IQCE: variants seen among roughly 807,000 people sequenced by gnomAD.
The protein encoded by IQCE is IQ motif containing E.
Under a neutral mutation model 96.0 loss-of-function variants are expected in IQCE, and 115 were observed. The observed-to-expected ratio is 1.20, with a 90% CI of 1.03 to 1.40. IQCE has a LOEUF of 1.40. Ranked by LOEUF, IQCE falls within the 40% of genes most tolerant of loss-of-function variation. The pLI is 0.00. For missense variants in IQCE, 1,041 were observed against 909.1 expected, an observed-to-expected ratio of 1.15 and a Z score of -1.87; for synonymous variants, 412 against 371.2, an observed-to-expected ratio of 1.11 and a Z score of -1.26.
chr7:2,560,302 G>T (rs1780849687), intron 1 of IQCE, among the ~76,000 whole-genome samples: 1 of 152,266 alleles, frequency 6.6e-6, no homozygotes, highest in Non-Finnish European at 1.5e-5. Context: ...CAGAAGATGG[G>T]CATGAGCCTG....
intron 9 of IQCE, among the ~76,000 whole-genome samples, 179 bp downstream of exon 9, chr7:2,582,829 C>T (rs1782782316): frequency 1.3e-5 from 2 of 152,140 alleles, no homozygotes; most frequent in Admixed American, 1.3e-4. Context: ...CAGATAATTC[C>T]CTTTAACTTC....
chr7:2,576,542 G>A (rs1046504856), intron 6 of IQCE, among the ~76,000 whole-genome samples: 3 of 151,968 alleles, frequency 2.0e-5, no homozygotes, highest in Non-Finnish European at 2.9e-5. Context: ...TGGGATTACA[G>A]GTGCGTGCCA....
At chr7:2,582,713 C>T (rs1284309553) in intron 9 of IQCE, 63 bp downstream of exon 9, 32 of 1,456,200 alleles carry the variant, frequency 2.2e-5, no homozygotes, top group East Asian at 1.9e-4. Flanking sequence ...CTCAGACGCC[C>T]GCCTTTGTTC....
In IQCE at chr7:2,598,490, C is replaced by G. The variant is rs745596467; in HGVS notation, c.1466C>G (p.Pro489Arg). ...HKAQELPAPT[P>R]SSRHCEQDWP... ...GCCCAAGAGCTCCCAGCTCCCACTC[C>G]CAGCAGCAGGCACTGCGAGCAAGAC... The change falls in exon 17 of 22, where the codon CCC becomes CGC. Residue 489 changes from proline (P) to arginine (R), a missense_variant. Transcript: ENST00000402050. 2 of 1,595,452 alleles carry G rather than the reference C, an allele frequency of 1.3e-6. No homozygotes were observed. Among genetic ancestry groups the G allele is most frequent in the Non-Finnish European group, 1.7e-6 (2 of 1,171,550 alleles).
chr7:2,571,403 A>G (rs1275684979), intron 3 of IQCE, 123 bp from the exon 4 acceptor site: 13 of 1,210,810 alleles, frequency 1.1e-5, no homozygotes, highest in Non-Finnish European at 1.4e-5. Context: ...TTTTGCCAGA[A>G]TGTTTGACTA....
intron 1 of IQCE, among the ~76,000 whole-genome samples, chr7:2,561,610 A>G (rs1300008722): frequency 2.0e-5 from 3 of 151,644 alleles, no homozygotes; most frequent in Non-Finnish European, 4.4e-5. Flanking sequence ...TTTGGTAGAC[A>G]CGGGGTTTCA....
chr7:2,584,107 T>A, intron 10 of IQCE, 129 bp from the exon 11 acceptor site: 2 of 830,096 alleles, frequency 2.4e-6, no homozygotes, highest in Non-Finnish European at 4.2e-6. Flanking sequence ...AACGGAAAGA[T>A]GAAGTGCGGC....
chr7:2,567,273 C>T, intron 2 of IQCE, 110 bp downstream of exon 2: 2 of 837,750 alleles, frequency 2.4e-6, no homozygotes, highest in South Asian at 2.8e-5. Flanking sequence ...GTGTCGAGAG[C>T]TGGAATGCAT....
At chr7:2,600,242 C>T (rs1444044734) in intron 17 of IQCE, among the ~76,000 whole-genome samples, 1 of 152,186 alleles carries the variant, frequency 6.6e-6, no homozygotes, top group African/African-American at 2.4e-5. Flanking sequence ...AATAAGGTCT[C>T]CAGCTCTGAT....
chr7:2,563,078 A>G (rs2128426212), intron 1 of IQCE, among the ~76,000 whole-genome samples: 1 of 152,086 alleles, frequency 6.6e-6, no homozygotes, highest in East Asian at 1.9e-4. Flanking sequence ...GGCGTGTGCC[A>G]CCATGCCTGG....
chr7:2,591,964 ACCGCACCCGGGC>A (rs1783625923), intron 14 of IQCE, among the ~76,000 whole-genome samples: 1 of 100,082 alleles, frequency 1.0e-5, no homozygotes, highest in Non-Finnish European at 2.0e-5. Flanking sequence ...GGCGTGAGCC[ACCGCACCCGGGC>A]CTGCCTCGGC....
rs761878243 is a variant in IQCE, at chr7:2,568,980, A to G, written c.111A>G (p.Lys37=). The G allele has an allele frequency of 1.2e-6, 2 of 1,613,652 alleles. No individual in the cohort carries two copies. The highest frequency in any genetic ancestry group is 8.5e-7 in the Non-Finnish European group (1 of 1,179,972). Residue 37 remains lysine, a synonymous_variant, in exon 3 of 22, where the codon AAA becomes AAG. Coordinates refer to ENST00000402050, the MANE Select transcript of IQCE (RefSeq NM_152558.5). ...AAGCAAAAAGGAAAGCTTTCCACAA[A>G]CCTCCACCCACATCGCCAAGTAAGT... ...ETKAKRKAFH[K]PPPTSPKSPY... is the part of the protein sequence containing the mutation.
At chr7:2,580,248 T>G (rs1411115981) in intron 8 of IQCE, 1 of 149,596 alleles carries the variant, frequency 6.7e-6, no homozygotes, top group African/African-American at 2.5e-5. Context: ...GGCTACAACT[T>G]AAGTATGTGT....
chr7:2,597,158 C>T (rs750525221), intron 16 of IQCE: 11 of 466,502 alleles, frequency 2.4e-5, no homozygotes, highest in South Asian at 6.2e-5. Flanking sequence ...TGGTTAGGGC[C>T]GGCGGGCTGG....
intron 21 of IQCE, among the ~76,000 whole-genome samples, chr7:2,608,077 A>AAGGGTG (rs906824791): frequency 1.3e-5 from 2 of 152,206 alleles, no homozygotes; most frequent in African/African-American, 4.8e-5. Flanking sequence ...TCTGAGCCCA[A>AAGGGTG]AGGGTGAGGG....
intron 14 of IQCE, among the ~76,000 whole-genome samples, chr7:2,590,899 G>C (rs1216518676): frequency 1.3e-5 from 2 of 152,106 alleles, no homozygotes; most frequent in African/African-American, 4.8e-5. Flanking sequence ...TATGCAGCAT[G>C]GTCTTAATTC....
At chr7:2,581,604 G>A (rs1782666408) in intron 8 of IQCE, among the ~76,000 whole-genome samples, 1 of 152,058 alleles carries the variant, frequency 6.6e-6, no homozygotes, top group African/African-American at 2.4e-5. Context: ...ACTTTGGGAG[G>A]CCAAGGCAGG....
At chr7:2,606,044 G>A (rs1784797720) in intron 20 of IQCE, 47 bp downstream of exon 20, 5 of 1,563,268 alleles carry the variant, frequency 3.2e-6, no homozygotes, top group Non-Finnish European at 4.3e-6. Context: ...GGCACGAGAG[G>A]CTGCCCACCG....
At chr7:2,573,266 C>T (rs1414017361) in intron 5 of IQCE, 152 bp from the exon 6 acceptor site, 8 of 554,418 alleles carry the variant, frequency 1.4e-5, no homozygotes, top group Admixed American at 3.6e-5. Context: ...GTATCATGAT[C>T]AGGCTGGAAA....
Sources: gnomAD v4.1 joint callset for allele counts (sites outside exome capture counted in the v4.1 genomes callset) on GRCh38, gnomAD v4.1.1 for gene constraint, MANE v1.5 for transcripts, NCBI Gene and HGNC (gene_info 2026-07-23, HGNC 2026-07-21) for gene names.